Variants in PTGER3 observed in about 807,000 individuals in gnomAD.
PTGER3 encodes prostaglandin E receptor 3, also known as prostaglandin E2 receptor EP3 subtype.
Under a neutral mutation model 34.7 loss-of-function variants are expected in PTGER3, and 22 were observed. That is an observed-to-expected ratio of 0.63 (90% CI 0.45 to 0.91). The LOEUF (loss-of-function observed/expected upper bound fraction) is 0.91. PTGER3 is among the 40% of genes least tolerant of loss of function. PTGER3 has a pLI of 0.00. For missense variants in PTGER3, 468 were observed against 519.4 expected (o/e 0.90, Z 0.96); for synonymous variants, 241 against 230.1 (o/e 1.05, Z -0.43).
chr1:70,960,366 T>A (rs1336222739), intron 2 of PTGER3, among the ~76,000 whole-genome samples: 1 of 152,182 alleles, frequency 6.6e-6, no homozygotes, highest in African/African-American at 2.4e-5. Flanking sequence ...GTGGGAATAT[T>A]TGCATATCAT....
chr1:70,973,244 TA>T (rs1056813350), intron 3 of PTGER3, among the ~76,000 whole-genome samples: 2 of 150,272 alleles, frequency 1.3e-5, no homozygotes, highest in South Asian at 2.1e-4. Flanking sequence ...GATAGATAGA[TA>T]GATAGATAGA....
rs1429577757 is a variant in PTGER3 at position 70,971,255 on chromosome 1, T to A, written c.*475A>T. The A allele has an allele frequency of 1.0e-6, 1 of 985,518 alleles. No homozygotes were observed. Among genetic ancestry groups the A allele is most frequent in the Non-Finnish European group, 1.2e-6 (1 of 830,080 alleles). The allele number at this position is 985,518 out of a possible 1,614,324, so 61.0% of individuals were successfully genotyped here. On this transcript the variant is annotated 3_prime_UTR_variant, in exon 4 of 4. Coordinates refer to ENST00000306666, the MANE Select transcript of PTGER3 (RefSeq NM_198719.2). ...TCCTGCCCTCATTTGCTTTTATATG[T>A]CGTTAAGTTCATATCCTATTAATTG...
chr1:71,018,731 A>G (rs1557746118), intron 1 of PTGER3, among the ~76,000 whole-genome samples: 1 of 152,202 alleles, frequency 6.6e-6, no homozygotes, highest in Non-Finnish European at 1.5e-5. Flanking sequence ...GTCATTTTAC[A>G]CAGTCCTCCT....
chr1:70,965,878 T>C (rs1454040678), downstream of PTGER3, among the ~76,000 whole-genome samples: 1 of 152,206 alleles, frequency 6.6e-6, no homozygotes, highest in Non-Finnish European at 1.5e-5. Context: ...GTTTTTGATA[T>C]GTACTTGGAA....
intron 4 of PTGER3, among the ~76,000 whole-genome samples, chr1:70,925,444 A>G (rs1647968459): frequency 6.6e-6 from 1 of 152,220 alleles, no homozygotes; most frequent in African/African-American, 2.4e-5. Context: ...TGAAAATCAT[A>G]CAAGTGTAAC....
At chr1:70,930,182 C>G (rs192265628) in intron 4 of PTGER3, among the ~76,000 whole-genome samples, 1 of 152,300 alleles carries the variant, frequency 6.6e-6, no homozygotes, top group Non-Finnish European at 1.5e-5. Context: ...ATTTGCAACA[C>G]AGCTGTGTGG....
chr1:71,043,336 T>C (rs1660474249), intron 1 of PTGER3, among the ~76,000 whole-genome samples: 1 of 152,210 alleles, frequency 6.6e-6, no homozygotes, highest in African/African-American at 2.4e-5. Context: ...ACATTTTATA[T>C]TGTATTTTGC....
chr1:70,949,598 A>G (rs558511798), downstream of PTGER3, among the ~76,000 whole-genome samples: 1 of 152,348 alleles, frequency 6.6e-6, no homozygotes, highest in African/African-American at 2.4e-5. Context: ...GAAATGCATC[A>G]TTAACTACAA....
intron 4 of PTGER3, among the ~76,000 whole-genome samples, chr1:70,869,590 G>C (rs1456937261): frequency 6.6e-6 from 1 of 152,178 alleles, no homozygotes; most frequent in African/African-American, 2.4e-5. Flanking sequence ...TTACTTCCAA[G>C]ATACAATGTG....
At chr1:70,991,312 T>C (rs1222844311) in intron 2 of PTGER3, among the ~76,000 whole-genome samples, 4 of 152,200 alleles carry the variant, frequency 2.6e-5, no homozygotes, top group Non-Finnish European at 5.9e-5. Flanking sequence ...ACTCACTCTC[T>C]GCCCACTATC....
chr1:70,901,510 G>A (rs942978), intron 4 of PTGER3, among the ~76,000 whole-genome samples: 44,224 of 152,004 alleles, frequency 0.29, 6,756 homozygotes, highest in South Asian at 0.46. Context: ...CCAACTCCCA[G>A]AATAGTTATT....
intron 2 of PTGER3, among the ~76,000 whole-genome samples, chr1:70,959,372 A>G (rs1345178116): frequency 7.1e-6 from 1 of 140,234 alleles, no homozygotes; most frequent in Non-Finnish European, 1.5e-5. Flanking sequence ...TTTTTTTGAG[A>G]TGGAGTCTCA....
chr1:70,905,457 C>T (rs533261429), intron 4 of PTGER3, among the ~76,000 whole-genome samples: 41 of 152,160 alleles, frequency 2.7e-4, no homozygotes, highest in Non-Finnish European at 2.5e-4. Flanking sequence ...GAGGCTGTAC[C>T]CTGCAGATCC....
chr1:71,024,218 T>C (rs1658678296), intron 1 of PTGER3, among the ~76,000 whole-genome samples: 1 of 152,186 alleles, frequency 6.6e-6, no homozygotes, highest in Non-Finnish European at 1.5e-5. Flanking sequence ...TTTTGAGGCA[T>C]TACAAATGTG....
chr1:70,943,026 C>T (rs1444839796), intron 4 of PTGER3, among the ~76,000 whole-genome samples: 1 of 152,166 alleles, frequency 6.6e-6, no homozygotes, highest in African/African-American at 2.4e-5. Context: ...CCCCTTGAAG[C>T]AGGATATTTT....
chr1:70,948,231 C>A (rs1331708223), downstream of PTGER3, among the ~76,000 whole-genome samples: 2 of 151,978 alleles, frequency 1.3e-5, no homozygotes, highest in African/African-American at 4.8e-5. Context: ...TGGTAGGGAC[C>A]CAGTGGGAGG....
chr1:70,936,701 G>T (rs1353606065), intron 4 of PTGER3, among the ~76,000 whole-genome samples: 1 of 152,136 alleles, frequency 6.6e-6, no homozygotes, highest in Non-Finnish European at 1.5e-5. Context: ...AACAAAGGTG[G>T]CTTAGACAAA....
At chr1:70,871,343 T>C (rs1185184654) in intron 4 of PTGER3, among the ~76,000 whole-genome samples, 2 of 152,184 alleles carry the variant, frequency 1.3e-5, no homozygotes, top group Non-Finnish European at 1.5e-5. Flanking sequence ...CACCAAGCCA[T>C]GATGGATCTG....
In PTGER3 at chr1:71,009,335, T is replaced by C. The variant is rs995295202; in HGVS notation, c.1077+2970A>G. ...TAAAATAAAGAAATGTAAGTAGAAA[T>C]ATATGTATACCCTATATTTCAGACT... On this transcript the variant is annotated intron_variant, in intron 2 of 3. Coordinates refer to ENST00000306666, the MANE Select transcript of PTGER3 (RefSeq NM_198719.2). 7.1e-6 allele frequency: 7 copies of C among 981,422 alleles called. No individual in the cohort carries two copies. In the Admixed American group the frequency reaches 3.1e-4, roughly 43 times the overall value. 60.8% of individuals were successfully genotyped at this position (981,422 alleles called of 1,614,324 possible). A position where few individuals can be genotyped will look rare whatever the true frequency, so the allele number is the denominator to read the frequency against.
Sources: gnomAD v4.1 joint callset for allele counts (sites outside exome capture counted in the v4.1 genomes callset) on GRCh38, gnomAD v4.1.1 for gene constraint, MANE v1.5 for transcripts, NCBI Gene and HGNC (gene_info 2026-07-23, HGNC 2026-07-21) for gene names.